The following ECT2L variants were observed in gnomAD, a reference collection of about 807,000 sequenced individuals.
ECT2L encodes epithelial cell-transforming sequence 2 oncogene-like.
ECT2L carries 126 observed loss-of-function variants against 122.8 expected under a neutral mutation model. The ratio of observed to expected loss-of-function variants is 1.03; its 90% CI spans 0.89 to 1.19. ECT2L has a LOEUF of 1.19. ECT2L is among the 50% of genes most tolerant of loss of function. The probability of loss-of-function intolerance (pLI) is 0.00; values close to 1 mark genes in which losing one functional copy is unlikely to be tolerated. For missense variants in ECT2L, 1,012 were observed against 1,064.1 expected (o/e 0.95, Z 0.68); for synonymous variants, 385 against 381.8 (o/e 1.01, Z -0.10).
intron 16 of ECT2L, 97 bp downstream of exon 16, chr6:138,882,968 C>T: frequency 7.8e-7 from 1 of 1,276,568 alleles, no homozygotes; most frequent in Non-Finnish European, 1.1e-6. Flanking sequence ...AAAGGCTTCT[C>T]TGCTCTTAGC....
intron 1 of ECT2L, among the ~76,000 whole-genome samples, chr6:138,798,673 TAGTC>T (rs914746016): frequency 6.6e-6 from 1 of 152,212 alleles, no homozygotes; most frequent in Non-Finnish European, 1.5e-5. Flanking sequence ...TTGTAAAGGA[TAGTC>T]AGCCACGACA....
At chr6:138,841,230 T>C (rs1777028569) in intron 5 of ECT2L, among the ~76,000 whole-genome samples, 1 of 152,236 alleles carries the variant, frequency 6.6e-6, no homozygotes, top group African/African-American at 2.4e-5. Flanking sequence ...GATCTCTCTA[T>C]AGTTATTAAA....
At chr6:138,874,251 A>G (rs984824899) in intron 13 of ECT2L, among the ~76,000 whole-genome samples, 8 of 152,030 alleles carry the variant, frequency 5.3e-5, no homozygotes, top group African/African-American at 1.9e-4. Context: ...TCTTCCTTAT[A>G]TGTCCCGCAG....
intron 9 of ECT2L, 137 bp downstream of exon 9, chr6:138,849,571 A>T: frequency 1.2e-6 from 1 of 851,520 alleles, no homozygotes; most frequent in Non-Finnish European, 1.7e-6. Context: ...AAAAAAGCGA[A>T]GCTTTTTTTT....
chr6:138,873,663 G>A (rs1280300848), intron 13 of ECT2L, among the ~76,000 whole-genome samples: 3 of 152,058 alleles, frequency 2.0e-5, no homozygotes, highest in African/African-American at 4.8e-5. Context: ...GCCTGGTGGT[G>A]GGCGCCTGTA....
chr6:138,866,149 G>T (rs1484336235), intron 12 of ECT2L, among the ~76,000 whole-genome samples: 2 of 134,416 alleles, frequency 1.5e-5, no homozygotes, highest in East Asian at 2.1e-4. Context: ...ATTTTTCATA[G>T]TTTTTTTTTT....
chr6:138,825,798 C>G (rs1776427668), intron 4 of ECT2L, among the ~76,000 whole-genome samples: 1 of 152,186 alleles, frequency 6.6e-6, no homozygotes, highest in South Asian at 2.1e-4. Context: ...GTTTTGCTCT[C>G]TAGTCCTCTG....
intron 4 of ECT2L, among the ~76,000 whole-genome samples, chr6:138,815,280 A>G (rs553296278): frequency 3.9e-5 from 6 of 152,336 alleles, no homozygotes; most frequent in Admixed American, 1.3e-4. Context: ...AGCATAGCAA[A>G]TATCAGACAT....
intron 20 of ECT2L, among the ~76,000 whole-genome samples, chr6:138,891,449 C>G (rs1213004685): frequency 1.6e-4 from 25 of 152,124 alleles, no homozygotes; most frequent in Admixed American, 1.6e-3. Flanking sequence ...CTGAAGCCTG[C>G]TACCTGGAGG....
chr6:138,876,510 G>A lies in ECT2L; in HGVS notation c.1617G>A (p.Lys539=), dbSNP rs1371689698. Residue 539 remains lysine (K), a synonymous_variant, in exon 14 of 22, where the codon AAG becomes AAA. Coordinates refer to ENST00000541398, the MANE Select transcript of ECT2L (RefSeq NM_001077706.3). ...TAGAAGACAATTCTTGGGACACAAAGTCCAGGCTCAGCAAAAATGATTTAA... is the reference window on the plus strand; with the variant it reads ...TAGAAGACAATTCTTGGGACACAAAATCCAGGCTCAGCAAAAATGATTTAA... The part of the protein sequence containing the change: ...NVVEDNSWDT[K]SRLSKNDLNF... The A allele has an allele frequency of 6.2e-7, 1 of 1,613,240 alleles. No homozygotes were observed. The highest frequency in any genetic ancestry group is 1.7e-5 in the Admixed American group (1 of 59,944).
intron 7 of ECT2L, among the ~76,000 whole-genome samples, chr6:138,844,795 CTTTTT>C (rs11398299): frequency 7.9e-6 from 1 of 126,666 alleles, no homozygotes; most frequent in African/African-American, 3.0e-5. Context: ...TTTAAATGTT[CTTTTT>C]TTTTTTTTTT....
intron 12 of ECT2L, among the ~76,000 whole-genome samples, chr6:138,867,817 G>A (rs143624261): frequency 0.015 from 2,290 of 150,358 alleles, 41 homozygotes; most frequent in African/African-American, 0.048. Flanking sequence ...TGACAAGAGC[G>A]AGACTCCATC....
intron 8 of ECT2L, among the ~76,000 whole-genome samples, chr6:138,847,537 A>ATTT (rs777070599): frequency 1.4e-4 from 17 of 123,800 alleles, no homozygotes; most frequent in Non-Finnish European, 1.9e-4. Context: ...TGCCCGGCTA[A>ATTT]TTTTTTTTTT....
intron 1 of ECT2L, among the ~76,000 whole-genome samples, chr6:138,810,511 T>C (rs1481779996): frequency 4.6e-5 from 7 of 152,226 alleles, no homozygotes; most frequent in Non-Finnish European, 1.0e-4. Context: ...CTCTAAACAA[T>C]TGTGGCAAAT....
chr6:138,850,590 G>A (rs1777403366), intron 9 of ECT2L, among the ~76,000 whole-genome samples: 1 of 152,208 alleles, frequency 6.6e-6, no homozygotes, highest in African/African-American at 2.4e-5. Flanking sequence ...ATTGTGAATA[G>A]TGCTGCTATT....
At position 138,797,294 on chromosome 6, in the gene ECT2L, C is replaced by T. The variant is rs551537872; in HGVS notation, c.-244+1102C>T. On this transcript the variant is annotated intron_variant, in intron 1 of 21. Transcript: ENST00000541398. ...TTTCTTCTACTCCCGTTCTTTTGTG[C>T]GATCTTTAGAACCAGATACCTTTTT... Among the ~76,000 whole-genome samples the T allele has an allele frequency of 7.9e-5, 12 of 152,218 alleles. No individual in the cohort carries two copies. The South Asian group carries it at 1.9e-3, about 24-fold the overall frequency.
At chr6:138,879,736 C>T (rs1024901316) in intron 14 of ECT2L, among the ~76,000 whole-genome samples, 6 of 152,108 alleles carry the variant, frequency 3.9e-5, no homozygotes, top group African/African-American at 1.2e-4. Context: ...GGGTGGATCA[C>T]AAGGTCAAGA....
intron 10 of ECT2L, among the ~76,000 whole-genome samples, chr6:138,858,963 C>G (rs1562478568): frequency 6.6e-6 from 1 of 152,052 alleles, no homozygotes; most frequent in East Asian, 1.9e-4. Context: ...CTTCCTCAGC[C>G]TGCTGGGATC....
In ECT2L at chr6:138,898,445, G is replaced by A. The variant is rs1779286691; in HGVS notation, c.2415-2503G>A. ...ACTTCCTAACGCTGTCCAAGTAGCT[G>A]AACCTGAAACATGGTACTCTTGGAC... On this transcript the variant is annotated intron_variant, in intron 20 of 21. Transcript: ENST00000541398. Among the ~76,000 whole-genome samples, 3 of 152,300 alleles carry A rather than the reference G, an allele frequency of 2.0e-5. No individual in the cohort carries two copies. The South Asian group carries it at 6.2e-4, about 32-fold the overall frequency.
Sources: gnomAD v4.1 joint callset for allele counts (sites outside exome capture counted in the v4.1 genomes callset) on GRCh38, gnomAD v4.1.1 for gene constraint, MANE v1.5 for transcripts, NCBI Gene and HGNC (gene_info 2026-07-23, HGNC 2026-07-21) for gene names.